Variants in COL21A1 observed in about 807,000 individuals in gnomAD.
COL21A1 encodes collagen type XXI alpha 1 chain.
A neutral mutation model predicts 137.9 loss-of-function variants in COL21A1; 149 were observed. The ratio of observed to expected loss-of-function variants is 1.08; its 90% confidence interval spans 0.95 to 1.24. The LOEUF is 1.24. Ranked by LOEUF, COL21A1 falls within the 50% of genes most tolerant of loss-of-function variation. The pLI is 0.00. For missense variants in COL21A1, 1,167 were observed against 1,158.4 expected, an observed-to-expected ratio of 1.01 and a Z score of -0.11; for synonymous variants, 456 against 391.5, an observed-to-expected ratio of 1.16 and a Z score of -1.95.
In COL21A1 at chr6:56,342,479, G is replaced by C. The variant is rs369238963; in HGVS notation, c.-39+51492C>G. On this transcript the variant is annotated intron_variant, in intron 1 of 28. Coordinates refer to the COL21A1 transcript ENST00000370819. ...AGGAGTGGGCAAAGGGATTGCAGAG[G>C]AGGACAACTGAATTGTGTGCTGGCC... is the stretch of plus-strand genomic sequence containing the variant. Among the ~76,000 whole-genome samples the C allele has an allele frequency of 1.1e-3, 168 of 152,334 alleles. 1 individual carries two copies. Among genetic ancestry groups the C allele is most frequent in the African/African-American group, 4.0e-3 (165 of 41,582 alleles).
intron 1 of COL21A1, among the ~76,000 whole-genome samples, chr6:56,312,377 C>T (rs1406535181): frequency 6.6e-6 from 1 of 152,122 alleles, no homozygotes; most frequent in Admixed American, 6.5e-5. Flanking sequence ...ATTGATTGGC[C>T]ATGGGAGAAG....
chr6:56,110,899 A>T (rs1230809547), intron 16 of COL21A1, among the ~76,000 whole-genome samples: 1 of 152,146 alleles, frequency 6.6e-6, no homozygotes, highest in Non-Finnish European at 1.5e-5. Flanking sequence ...ACTCTCCCCA[A>T]ATAAATTTAG....
At chr6:56,125,645 A>G in intron 13 of COL21A1, 25 bp from the exon 14 acceptor site, 1 of 1,395,960 alleles carries the variant, frequency 7.2e-7, no homozygotes. Context: ...ATAAATAGTG[A>G]ATATTTAAGA....
intron 1 of COL21A1, among the ~76,000 whole-genome samples, chr6:56,308,675 A>C (rs1242061399): frequency 6.6e-6 from 1 of 152,242 alleles, no homozygotes; most frequent in African/African-American, 2.4e-5. Flanking sequence ...CCTATAGTTA[A>C]GAATAATATA....
intron 1 of COL21A1, among the ~76,000 whole-genome samples, chr6:56,240,915 CAT>C (rs1362931123): frequency 1.2e-4 from 18 of 152,294 alleles, no homozygotes; most frequent in African/African-American, 3.6e-4. Flanking sequence ...TTCACACTCA[CAT>C]GTTTGCTGTC....
rs201892311 is a variant in COL21A1, at chr6:56,061,666, G to A, written c.2188C>T (p.His730Tyr). The A allele has an allele frequency of 1.3e-6, 2 of 1,587,440 alleles. No individual in the cohort carries two copies. Among genetic ancestry groups the A allele is most frequent in the Non-Finnish European group, 1.7e-6 (2 of 1,161,406 alleles). ...AAACATACCTCTCCTTTTGCACCAT[G>A]ATGGCCTTGAATTCCCTTTGAAAAT... ...IPGQQGIQGH[H>Y]GAKGERGEKG... The change falls in exon 25 of 30, where the codon CAT becomes TAT. Residue 730 changes from histidine to tyrosine, a missense_variant. By Grantham distance (83) the His-to-Tyr change is moderately conservative. Coordinates refer to ENST00000244728, the MANE Select transcript of COL21A1 (RefSeq NM_030820.4).
chr6:56,355,059 T>G (rs1320874365), intron 1 of COL21A1, among the ~76,000 whole-genome samples: 1 of 151,972 alleles, frequency 6.6e-6, no homozygotes, highest in Non-Finnish European at 1.5e-5. Context: ...CTCAGGGGGT[T>G]CTCGTTGTAG....
chr6:56,241,480 C>T lies in COL21A1; in HGVS notation c.-39+5907G>A, dbSNP rs146169698. Among the ~76,000 whole-genome samples the T allele has an allele frequency of 2.6e-5, 4 of 152,290 alleles. No homozygotes were observed. In the East Asian group the frequency reaches 7.7e-4, roughly 29 times the overall value. Reference sequence around the variant, plus strand: ...CCCTAGTTGATATTTCTCTTTATCTCATTTCAAAACTCAGCCTAGTGTTGC... The same window carrying T: ...CCCTAGTTGATATTTCTCTTTATCTTATTTCAAAACTCAGCCTAGTGTTGC... On this transcript the variant is annotated intron_variant, in intron 1 of 29. Transcript: ENST00000244728.
chr6:56,098,962 G>A (rs1421368164), intron 17 of COL21A1, among the ~76,000 whole-genome samples: 1 of 150,054 alleles, frequency 6.7e-6, no homozygotes, highest in Non-Finnish European at 1.5e-5. Context: ...TGATCCGCCC[G>A]CCTCGGCCTC....
At chr6:56,283,973 T>C (rs2152334409) in intron 1 of COL21A1, among the ~76,000 whole-genome samples, 1 of 152,084 alleles carries the variant, frequency 6.6e-6, no homozygotes, top group East Asian at 1.9e-4. Context: ...AACCAATTAC[T>C]TGGGGTGAGG....
chr6:56,286,436 CACAT>C (rs1360902504), intron 1 of COL21A1, among the ~76,000 whole-genome samples: 4 of 152,156 alleles, frequency 2.6e-5, no homozygotes, highest in African/African-American at 9.7e-5. Context: ...CATGCATACA[CACAT>C]ACACTCATAT....
rs1455871823 is a variant in COL21A1, at chr6:56,227,678, C to A, written c.-39+19709G>T. On this transcript the variant is annotated intron_variant, in intron 1 of 29. Coordinates refer to ENST00000244728, the MANE Select transcript of COL21A1 (RefSeq NM_030820.4). ...CCATTCATTCCACAATATGCACAGTCATCTACTATTATTCAGGCAATGTAC... is the reference window on the plus strand; with the variant it reads ...CCATTCATTCCACAATATGCACAGTAATCTACTATTATTCAGGCAATGTAC... Among the ~76,000 whole-genome samples the A allele has an allele frequency of 3.9e-5, 6 of 152,064 alleles. No homozygotes were observed. In the South Asian group the frequency reaches 1.0e-3, roughly 26 times the overall value.
At chr6:56,378,982 G>A (rs962626415) in intron 1 of COL21A1, among the ~76,000 whole-genome samples, 2 of 152,230 alleles carry the variant, frequency 1.3e-5, no homozygotes, top group Non-Finnish European at 2.9e-5. Context: ...CATCAAGGCA[G>A]TACCTCTACA....
At position 56,174,228 on chromosome 6, in the gene COL21A1, A is replaced by C. The variant is rs928993943; in HGVS notation, c.641-3100T>G. On this transcript the variant is annotated intron_variant, in intron 3 of 29. Coordinates refer to ENST00000244728, the MANE Select transcript of COL21A1 (RefSeq NM_030820.4). ...TAAATGCCTACATTAAAAAAGAAAA[A>C]GGATATCAAATAATCAAATAAACAA... Among the ~76,000 whole-genome samples, 6 of 152,212 alleles carry C rather than the reference A, an allele frequency of 3.9e-5. No individual in the cohort carries two copies. The East Asian group carries it at 9.6e-4, about 24-fold the overall frequency.
intron 1 of COL21A1, among the ~76,000 whole-genome samples, chr6:56,206,679 AAAAT>A (rs201550958): frequency 0.061 from 3,578 of 58,466 alleles, 151 homozygotes; most frequent in Admixed American, 0.12. Flanking sequence ...CCAATTCAAC[AAAAT>A]AAATAAATAA....
intron 1 of COL21A1, among the ~76,000 whole-genome samples, chr6:56,224,709 C>T (rs1012257): frequency 0.75 from 113,728 of 151,946 alleles, 43,289 homozygotes; most frequent in African/African-American, 0.88. Context: ...CTGATATTTC[C>T]CTGTTTTACC....
At chr6:56,265,806 C>T (rs1275345035) in intron 1 of COL21A1, among the ~76,000 whole-genome samples, 1 of 152,154 alleles carries the variant, frequency 6.6e-6, no homozygotes, top group Non-Finnish European at 1.5e-5. Context: ...GAAAAAATAT[C>T]TTCCTAGATA....
At chr6:56,138,177 C>G (rs1255861871) in intron 12 of COL21A1, among the ~76,000 whole-genome samples, 4 of 151,884 alleles carry the variant, frequency 2.6e-5, no homozygotes, top group African/African-American at 9.7e-5. Context: ...TGTAACAACT[C>G]CAAGTTTCTC....
At chr6:56,349,575 A>C (rs1765668199) in intron 1 of COL21A1, among the ~76,000 whole-genome samples, 1 of 152,230 alleles carries the variant, frequency 6.6e-6, no homozygotes, top group Non-Finnish European at 1.5e-5. Flanking sequence ...TCAGAAATAA[A>C]ATAATTTAAA....
Sources: gnomAD v4.1 joint callset for allele counts (sites outside exome capture counted in the v4.1 genomes callset) on GRCh38, gnomAD v4.1.1 for gene constraint, MANE v1.5 for transcripts, NCBI Gene and HGNC (gene_info 2026-07-23, HGNC 2026-07-21) for gene names.